The following CAB39 variants were observed in gnomAD, a reference collection of about 807,000 sequenced individuals.
CAB39 encodes calcium binding protein 39.
A neutral mutation model predicts 40.0 loss-of-function variants in CAB39; 8 were observed. That is an observed-to-expected ratio of 0.20 (90% CI 0.12 to 0.36). The LOEUF (loss-of-function observed/expected upper bound fraction) is 0.36. CAB39 is among the 10% of genes least tolerant of loss of function. The pLI, the probability that CAB39 is intolerant of heterozygous loss-of-function variation, is 1.00. For missense variants in CAB39, 270 were observed against 401.1 expected, an observed-to-expected ratio of 0.67 and a Z score of 2.79; for synonymous variants, 156 against 141.6, an observed-to-expected ratio of 1.10 and a Z score of -0.72.
intron 5 of CAB39, among the ~76,000 whole-genome samples, chr2:230,809,216 TG>T (rs1365924725): frequency 1.3e-5 from 2 of 152,200 alleles, no homozygotes; most frequent in African/African-American, 4.8e-5. Flanking sequence ...TGGAGTGAGC[TG>T]TGGCACTTCC....
chr2:230,810,244 T>A lies in CAB39; in HGVS notation c.568-19T>A, dbSNP rs1312137127. ...AAACTTGGAGAACAACTGTAAACAA[T>A]TTTTTTTTCTTTTTGTAGGATTTAC... On this transcript the variant is annotated intron_variant, in intron 5 of 8. Transcript: ENST00000258418. The A allele has an allele frequency of 2.4e-6, 3 of 1,251,538 alleles. No individual in the cohort carries two copies. The highest frequency in any genetic ancestry group is 2.4e-5 in the Admixed American group (1 of 42,128). 77.5% of individuals were successfully genotyped at this position (1,251,538 alleles called of 1,614,324 possible).
chr2:230,758,906 T>C (rs938692506), intron 1 of CAB39, among the ~76,000 whole-genome samples: 1 of 152,208 alleles, frequency 6.6e-6, no homozygotes, highest in Non-Finnish European at 1.5e-5. Context: ...TACTGAAAAA[T>C]GGTAACTTCC....
intron 1 of CAB39, among the ~76,000 whole-genome samples, chr2:230,737,282 A>AT (rs1445216359): frequency 6.6e-6 from 1 of 152,208 alleles, no homozygotes; most frequent in Non-Finnish European, 1.5e-5. Flanking sequence ...AAAAGCCACT[A>AT]TCAGAATCAT....
intron 1 of CAB39, among the ~76,000 whole-genome samples, chr2:230,720,530 G>C (rs974776793): frequency 1.3e-5 from 2 of 152,108 alleles, no homozygotes; most frequent in African/African-American, 4.8e-5. Context: ...CCGCCTCCCG[G>C]GTTCAAGCGA....
At chr2:230,794,453 T>C (rs62193643) in intron 4 of CAB39, among the ~76,000 whole-genome samples, 16,989 of 152,258 alleles carry the variant, frequency 0.11, 1,174 homozygotes, top group Middle Eastern at 0.16. Flanking sequence ...TTAAAGCCCA[T>C]ATTTCCTTTT....
Position 230,820,190 on chromosome 2 carries a change from C to G in CAB39, c.*1486C>G, listed in dbSNP as rs533491245. On this transcript the variant is annotated 3_prime_UTR_variant, in exon 9 of 9. Transcript: ENST00000258418. ...AGATCACAACTAACAACTGACAAAT[C>G]AGAGTTTGCCAGTTCAAATTCAGCA... 59 of 152,610 alleles carry G rather than the reference C, an allele frequency of 3.9e-4. No homozygotes were observed. Among genetic ancestry groups the G allele is most frequent in the African/African-American group, 1.3e-3 (56 of 41,552 alleles). The allele number at this position is 152,610 out of a possible 1,614,324, so 9.5% of individuals were successfully genotyped here.
chr2:230,782,813 C>CTTTCTTTCTTTCTTTTTTTTT (rs1286339069), intron 2 of CAB39, among the ~76,000 whole-genome samples: 1 of 81,766 alleles, frequency 1.2e-5, no homozygotes, highest in Non-Finnish European at 2.4e-5. Flanking sequence ...TTCTTTCTTT[C>CTTTCTTTCTTTCTTTTTTTTT]TTTTTTTTTT....
At chr2:230,808,286 A>T (rs529121208) in intron 5 of CAB39, among the ~76,000 whole-genome samples, 4 of 151,996 alleles carry the variant, frequency 2.6e-5, no homozygotes, top group Admixed American at 2.6e-4. Flanking sequence ...GGGTTTCACC[A>T]TGTTAGACTG....
Position 230,713,016 on chromosome 2 carries a change from CGGCAGCCGCGGGAGCCCCTG to C in CAB39, c.-249_-230del, listed in dbSNP as rs1191834015. 1 of 150,674 alleles carries C rather than the reference CGGCAGCCGCGGGAGCCCCTG, an allele frequency of 6.6e-6. No homozygotes were observed. The highest frequency in any genetic ancestry group is 1.5e-5 in the Non-Finnish European group (1 of 67,490). The allele number at this position is 150,674 out of a possible 1,614,324, so 9.3% of individuals were successfully genotyped here. A position where few individuals can be genotyped will look rare whatever the true frequency, so the allele number is the denominator to read the frequency against. On this transcript the variant is annotated 5_prime_UTR_variant, in exon 1 of 9. Coordinates refer to ENST00000258418, the MANE Select transcript of CAB39 (RefSeq NM_016289.4). ...AGCCCAAGCGAGCGCAGCAGCGCGG[CGGCAGCCGCGGGAGCCCCTG>C]GGCAGCCGTCCGCCCGCGCAGCCGC...
intron 1 of CAB39, among the ~76,000 whole-genome samples, chr2:230,750,200 G>A (rs1321685811): frequency 1.3e-5 from 2 of 152,208 alleles, no homozygotes; most frequent in Non-Finnish European, 1.5e-5. Flanking sequence ...GGCCCCTAAT[G>A]TGGCAGTGTT....
intron 1 of CAB39, among the ~76,000 whole-genome samples, chr2:230,722,268 A>G (rs1032285294): frequency 3.7e-4 from 56 of 152,360 alleles, no homozygotes; most frequent in African/African-American, 1.3e-3. Context: ...GGTTACATGA[A>G]TTTATAAACT....
intron 5 of CAB39, among the ~76,000 whole-genome samples, chr2:230,803,592 A>G (rs1256995861): frequency 2.0e-5 from 3 of 152,260 alleles, no homozygotes; most frequent in Non-Finnish European, 2.9e-5. Context: ...AAAAATCACA[A>G]GCATTCTTAT....
intron 1 of CAB39, among the ~76,000 whole-genome samples, chr2:230,721,470 A>T (rs139868185): frequency 6.6e-6 from 1 of 152,336 alleles, no homozygotes; most frequent in African/African-American, 2.4e-5. Context: ...AACAGAGATG[A>T]AATACTTAAC....
At chr2:230,750,278 G>C (rs1695062864) in intron 1 of CAB39, among the ~76,000 whole-genome samples, 2 of 152,198 alleles carry the variant, frequency 1.3e-5, no homozygotes, top group Non-Finnish European at 2.9e-5. Flanking sequence ...CCAGGATTGA[G>C]TTCTCACTGT....
intron 1 of CAB39, among the ~76,000 whole-genome samples, chr2:230,717,274 A>G (rs1694366863): frequency 6.6e-6 from 1 of 152,206 alleles, no homozygotes; most frequent in Non-Finnish European, 1.5e-5. Context: ...TGGCATTATT[A>G]TGAAGTCAGG....
At chr2:230,750,194 C>T (rs1695061224) in intron 1 of CAB39, among the ~76,000 whole-genome samples, 1 of 152,118 alleles carries the variant, frequency 6.6e-6, no homozygotes, top group African/African-American at 2.4e-5. Flanking sequence ...AGGCTTGGCC[C>T]CTAATGTGGC....
intron 2 of CAB39, among the ~76,000 whole-genome samples, chr2:230,783,282 C>T (rs1233833635): frequency 1.3e-5 from 2 of 152,180 alleles, no homozygotes; most frequent in Non-Finnish European, 2.9e-5. Flanking sequence ...TTGAATCACT[C>T]AGCCAGTCTC....
At chr2:230,799,282 T>G (rs1359663867) in intron 5 of CAB39, among the ~76,000 whole-genome samples, 1 of 152,194 alleles carries the variant, frequency 6.6e-6, no homozygotes, top group Non-Finnish European at 1.5e-5. Context: ...TTATGTTAAT[T>G]TGGAATATAC....
chr2:230,802,995 G>A (rs879363657), intron 5 of CAB39, among the ~76,000 whole-genome samples: 62 of 152,132 alleles, frequency 4.1e-4, no homozygotes, highest in Admixed American at 7.9e-4. Context: ...ACATCAATGC[G>A]AAAATCCTCA....
Sources: allele counts gnomAD v4.1 joint callset (sites outside exome capture counted in the v4.1 genomes callset), GRCh38; gene constraint gnomAD v4.1.1; transcripts MANE v1.5; gene names NCBI Gene and HGNC (gene_info 2026-07-23, HGNC 2026-07-21).